The following EIF3K variants were observed in gnomAD, a reference collection of about 807,000 sequenced individuals.
The protein encoded by EIF3K is eukaryotic translation initiation factor 3 subunit K.
EIF3K carries 27 observed loss-of-function variants against 34.2 expected under a neutral mutation model. That is an observed-to-expected ratio of 0.79 (90% confidence interval 0.58 to 1.09). The LOEUF (loss-of-function observed/expected upper bound fraction) is 1.09. Among genes scored for constraint, EIF3K ranks in the 50% least tolerant of loss-of-function variants. EIF3K has a pLI of 0.00. For missense variants in EIF3K, 232 were observed against 275.4 expected (o/e 0.84, Z 1.11); for synonymous variants, 105 against 105.7 (o/e 0.99, Z 0.04).
At chr19:38,632,155 C>T in intron 4 of EIF3K, 1 of 404,768 alleles carries the variant, frequency 2.5e-6, no homozygotes, top group Non-Finnish European at 4.5e-6. Flanking sequence ...GTGGCTCACC[C>T]CTGTAATCCC....
At chr19:38,624,812 C>A (rs933073838) in intron 3 of EIF3K, among the ~76,000 whole-genome samples, 1 of 152,042 alleles carries the variant, frequency 6.6e-6, no homozygotes, top group African/African-American at 2.4e-5. Context: ...ACACAGCCAT[C>A]TGTATTTACA....
At chr19:38,636,675 A>C (rs1976199332) in intron 7 of EIF3K, among the ~76,000 whole-genome samples, 1 of 152,174 alleles carries the variant, frequency 6.6e-6, no homozygotes, top group African/African-American at 2.4e-5. Flanking sequence ...CAAGTGACCC[A>C]GCTGTTAATT....
intron 4 of EIF3K, among the ~76,000 whole-genome samples, chr19:38,627,932 T>A (rs773195302): frequency 1.8e-4 from 27 of 146,340 alleles, no homozygotes; most frequent in Non-Finnish European, 3.3e-4. Context: ...TGAGACCATG[T>A]CTCGCTGTGT....
intron 1 of EIF3K, 69 bp downstream of exon 1, chr19:38,619,396 A>AG (rs1975786138): frequency 6.4e-7 from 1 of 1,560,832 alleles, no homozygotes; most frequent in African/African-American, 1.4e-5. Flanking sequence ...GGAGACAGCA[A>AG]GGGGTGTTCA....
Position 38,626,076 on chromosome 19 carries a change from G to T in EIF3K, c.328G>T (p.Glu110Ter). ...GATTTTGTACCTCGGGGACCTGCTG[G>T]AGACCTGCCATTTCCAGGCCTTCTG... Reference protein sequence around the residue: ...RQILYLGDLLETCHFQAFWQA... With the variant: ...RQILYLGDLL Residue 110 changes from glutamate to a stop codon, truncating the protein, a stop_gained, in exon 4 of 8, where the codon GAG (glutamate) becomes TAG (stop). Transcript: ENST00000248342. LOFTEE classifies it high-confidence loss of function. 1 of 1,614,168 alleles carries T rather than the reference G, an allele frequency of 6.2e-7. No individual in the cohort carries two copies. The highest frequency in any genetic ancestry group is 1.1e-5 in the South Asian group (1 of 91,082).
At chr19:38,624,289 C>T in intron 3 of EIF3K, 92 bp downstream of exon 3, 1 of 1,565,948 alleles carries the variant, frequency 6.4e-7, no homozygotes, top group Non-Finnish European at 8.7e-7. Context: ...TGGGTGTATC[C>T]ACAAACAACA....
At chr19:38,625,573 G>A (rs1172548133) in intron 3 of EIF3K, among the ~76,000 whole-genome samples, 1 of 151,082 alleles carries the variant, frequency 6.6e-6, no homozygotes, top group African/African-American at 2.5e-5. Flanking sequence ...GCAAAGGCGT[G>A]ATCTTGGCTC....
chr19:38,631,580 C>G (rs1000099980), intron 4 of EIF3K, among the ~76,000 whole-genome samples: 6 of 152,206 alleles, frequency 3.9e-5, no homozygotes, highest in African/African-American at 1.4e-4. Flanking sequence ...ACGAGACATT[C>G]CATTGCCCAG....
intron 2 of EIF3K, among the ~76,000 whole-genome samples, chr19:38,621,118 G>C (rs1422672640): frequency 6.6e-6 from 1 of 150,466 alleles, no homozygotes; most frequent in African/African-American, 2.5e-5. Context: ...GATCGCTTAA[G>C]CCTGGAAGAT....
intron 2 of EIF3K, among the ~76,000 whole-genome samples, chr19:38,620,790 A>G (rs1975822606): frequency 6.6e-6 from 1 of 152,164 alleles, no homozygotes; most frequent in Admixed American, 6.6e-5. Context: ...GCTACTCGGG[A>G]GGCTGAGGCA....
rs756451078 is a variant in EIF3K, at chr19:38,632,410, A to G, written c.355-20A>G. The stretch of plus-strand genomic sequence containing the variant: ...ATAATTTAAAAGAATAAACATTGTG[A>G]ACATCAATTCCCATCACAGCAAGCC... On this transcript the variant is annotated intron_variant, in intron 4 of 7. Coordinates refer to ENST00000248342, the MANE Select transcript of EIF3K (RefSeq NM_013234.4). 4.4e-6 allele frequency: 7 copies of G among 1,608,522 alleles called. No homozygotes were observed. The Admixed American group carries it at 6.7e-5, about 15-fold the overall frequency.
At position 38,632,747 on chromosome 19, in the gene EIF3K, G is replaced by T. The variant is rs1313679093; in HGVS notation, c.499+69G>T. 3 of 1,433,650 alleles carry T rather than the reference G, an allele frequency of 2.1e-6. No homozygotes were observed. The East Asian group carries it at 7.2e-5, about 34-fold the overall frequency. The allele number at this position is 1,433,650 out of a possible 1,614,324, so 88.8% of individuals were successfully genotyped here. ...TGGCTAGGGCAGTGGACCTCAGTCA[G>T]CTCCTCCAACAGGCCTGTCTGGGTC... On this transcript the variant is annotated intron_variant, in intron 6 of 7. Transcript: ENST00000248342.
intron 2 of EIF3K, among the ~76,000 whole-genome samples, chr19:38,621,898 G>A (rs988682627): frequency 6.2e-5 from 9 of 144,178 alleles, no homozygotes; most frequent in African/African-American, 1.0e-4. Context: ...TGGGTTCTTC[G>A]TGCCCTTTTT....
chr19:38,628,809 G>T (rs569338609), intron 4 of EIF3K, among the ~76,000 whole-genome samples: 1 of 151,218 alleles, frequency 6.6e-6, no homozygotes, highest in African/African-American at 2.4e-5. Context: ...GAAAAAGAGC[G>T]AAACTCCATC....
intron 2 of EIF3K, 144 bp from the exon 3 acceptor site, chr19:38,623,933 C>A: frequency 7.6e-7 from 1 of 1,310,574 alleles, no homozygotes; most frequent in Non-Finnish European, 1.1e-6. Flanking sequence ...GTGAAGGTTA[C>A]ACAGCTGGGA....
rs1324017751 is a variant in EIF3K at position 38,632,427 on chromosome 19, C to T, written c.355-3C>T. ...ACATTGTGAACATCAATTCCCATCACAGCAAGCCCTGGATGAAAACATGGA... is the reference window on the plus strand; with the variant it reads ...ACATTGTGAACATCAATTCCCATCATAGCAAGCCCTGGATGAAAACATGGA... On this transcript the variant is annotated splice_region_variant and splice_polypyrimidine_tract_variant and intron_variant, in intron 4 of 7. Coordinates refer to ENST00000248342, the MANE Select transcript of EIF3K (RefSeq NM_013234.4). 6 of 1,613,436 alleles carry T rather than the reference C, an allele frequency of 3.7e-6. No homozygotes were observed. The South Asian group carries it at 5.5e-5, about 15-fold the overall frequency.
chr19:38,623,081 T>A (rs1328756427), intron 2 of EIF3K, among the ~76,000 whole-genome samples: 1 of 152,210 alleles, frequency 6.6e-6, no homozygotes, highest in Non-Finnish European at 1.5e-5. Flanking sequence ...ATTAAGAGAT[T>A]AAAGTAAAGA....
intron 1 of EIF3K, 71 bp downstream of exon 1, chr19:38,619,398 G>T: frequency 6.4e-7 from 1 of 1,558,728 alleles, no homozygotes; most frequent in Non-Finnish European, 8.8e-7. Flanking sequence ...AGACAGCAAG[G>T]GGTGTTCAGG....
At chr19:38,626,309 C>A in intron 4 of EIF3K, 1 of 593,656 alleles carries the variant, frequency 1.7e-6, no homozygotes. Context: ...CCGACCCTTT[C>A]CCCTTTCTCC....
Sources: gnomAD v4.1 joint callset for allele counts (sites outside exome capture counted in the v4.1 genomes callset) on GRCh38, gnomAD v4.1.1 for gene constraint, MANE v1.5 for transcripts, NCBI Gene and HGNC (gene_info 2026-07-23, HGNC 2026-07-21) for gene names.